Variants in NAALADL2 observed in about 807,000 individuals in gnomAD.
NAALADL2 encodes the protein inactive N-acetylated-alpha-linked acidic dipeptidase-like protein 2.
A neutral mutation model predicts 87.2 loss-of-function variants in NAALADL2; 76 were observed. The observed-to-expected ratio is 0.87, with a 90% CI of 0.72 to 1.05. The LOEUF is 1.05. Among genes scored for constraint, NAALADL2 ranks in the 50% least tolerant of loss-of-function variants. The probability of loss-of-function intolerance (pLI) is 0.00; values close to 1 mark genes in which losing one functional copy is unlikely to be tolerated. For synonymous variants in NAALADL2, 354 were observed against 331.0 expected (o/e 1.07, Z -0.75); for missense variants, 1,089 against 945.8 (o/e 1.15, Z -1.99).
intron 9 of NAALADL2, among the ~76,000 whole-genome samples, chr3:175,535,740 T>G (rs1734731058): frequency 6.6e-6 from 1 of 152,186 alleles, no homozygotes; most frequent in African/African-American, 2.4e-5. Flanking sequence ...GTTGGGAAAT[T>G]GAACCACCTG....
chr3:174,941,173 T>C (rs117418464), intron 1 of NAALADL2, among the ~76,000 whole-genome samples: 1,835 of 152,252 alleles, frequency 0.012, 48 homozygotes, highest in East Asian at 0.095. Flanking sequence ...CTGTCTTAGC[T>C]GGATCCCAGA....
chr3:175,175,650 G>A (rs1180332453), intron 2 of NAALADL2, among the ~76,000 whole-genome samples: 1 of 152,010 alleles, frequency 6.6e-6, no homozygotes, highest in Non-Finnish European at 1.5e-5. Flanking sequence ...TTAATTAAGT[G>A]GCGTAGCATA....
intron 5 of NAALADL2, among the ~76,000 whole-genome samples, chr3:175,385,770 CAAAT>C (rs1277415570): frequency 9.9e-5 from 15 of 151,870 alleles, no homozygotes; most frequent in African/African-American, 1.7e-4. Context: ...GAAAAACAAA[CAAAT>C]AAAGATTTAA....
intron 2 of NAALADL2, among the ~76,000 whole-genome samples, chr3:175,119,731 A>G (rs1324321435): frequency 1.4e-5 from 2 of 143,198 alleles, no homozygotes; most frequent in East Asian, 3.9e-4. Flanking sequence ...TAAAATAAGA[A>G]TAGATATATA....
intron 11 of NAALADL2, among the ~76,000 whole-genome samples, chr3:175,693,436 A>C (rs1378758505): frequency 6.6e-6 from 1 of 152,194 alleles, no homozygotes; most frequent in Non-Finnish European, 1.5e-5. Flanking sequence ...CAGATGTGAC[A>C]TTACAAGGGC....
At chr3:175,547,672 C>T (rs1255690041) in intron 9 of NAALADL2, among the ~76,000 whole-genome samples, 1 of 152,068 alleles carries the variant, frequency 6.6e-6, no homozygotes, top group African/African-American at 2.4e-5. Flanking sequence ...TGACAAAGTT[C>T]TAATATCCAG....
In NAALADL2 at chr3:175,324,191, A is replaced by T; in HGVS notation, c.956A>T (p.Lys319Met). The change falls in exon 5 of 14, where the codon AAG becomes ATG. Residue 319 changes from lysine (K) to methionine (M), a missense_variant. By Grantham distance (95) the Lys-to-Met change is moderately conservative. Coordinates refer to ENST00000454872, the MANE Select transcript of NAALADL2 (RefSeq NM_207015.3). ...PLLYKLSSLE[K>M]AGFGGVLLYI... is the part of the protein sequence containing the mutation. ...CTCTTTTAGCTTTCCTCATTGGAAA[A>T]GGCTGGATTTGGAGGTGTTCTTCTG... 1 of 1,613,014 alleles carries T rather than the reference A, an allele frequency of 6.2e-7. No individual in the cohort carries two copies. Among genetic ancestry groups the T allele is most frequent in the Non-Finnish European group, 8.5e-7 (1 of 1,179,468 alleles).
intron 2 of NAALADL2, among the ~76,000 whole-genome samples, chr3:174,572,004 TGATACCGCAG>T: frequency 6.6e-6 from 1 of 152,234 alleles, no homozygotes. Flanking sequence ...GTTCTTTTTA[TGATACCGCAG>T]GTAGAATAAC....
intron 9 of NAALADL2, among the ~76,000 whole-genome samples, chr3:175,517,775 C>G (rs1732066649): frequency 6.6e-6 from 1 of 152,034 alleles, no homozygotes; most frequent in South Asian, 2.1e-4. Context: ...GGCTCTCTCT[C>G]TTGAGAGAGA....
At chr3:175,718,725 A>C in intron 11 of NAALADL2, 1 of 1,297,736 alleles carries the variant, frequency 7.7e-7, no homozygotes, top group Non-Finnish European at 1.1e-6. Flanking sequence ...GTGGAGATCA[A>C]GACCAACCTG....
chr3:174,961,095 T>C (rs1741923057), intron 1 of NAALADL2, among the ~76,000 whole-genome samples: 2 of 147,838 alleles, frequency 1.4e-5, no homozygotes, highest in Admixed American at 1.4e-4. Flanking sequence ...ATAATATTAA[T>C]ATAATATATA....
At chr3:175,776,793 G>A (rs373724054) in intron 13 of NAALADL2, among the ~76,000 whole-genome samples, 13 of 151,996 alleles carry the variant, frequency 8.6e-5, no homozygotes, top group South Asian at 4.2e-4. Context: ...GAATAGAGTC[G>A]GAGTTTATGA....
intron 1 of NAALADL2, among the ~76,000 whole-genome samples, chr3:175,068,216 C>T (rs567232767): frequency 1.3e-5 from 2 of 152,108 alleles, no homozygotes; most frequent in African/African-American, 2.4e-5. Context: ...TGTAACAAAC[C>T]TGCACATGTA....
chr3:174,948,112 T>C (rs901911660), intron 1 of NAALADL2, among the ~76,000 whole-genome samples: 2 of 152,114 alleles, frequency 1.3e-5, no homozygotes, highest in African/African-American at 4.8e-5. Context: ...TCCTGAAATG[T>C]CATTAGGGCA....
chr3:175,120,091 G>A (rs367860518), intron 2 of NAALADL2, among the ~76,000 whole-genome samples: 4 of 146,946 alleles, frequency 2.7e-5, no homozygotes, highest in African/African-American at 7.5e-5. Flanking sequence ...ACCGTCAACA[G>A]TATTTGCTGC....
At chr3:175,775,237 G>A (rs1443526971) in intron 13 of NAALADL2, 2 of 151,894 alleles carry the variant, frequency 1.3e-5, no homozygotes, top group African/African-American at 4.8e-5. Flanking sequence ...AGGAGTGAGT[G>A]TCTGAGACAT....
chr3:175,169,924 A>G (rs1338411204), intron 2 of NAALADL2, among the ~76,000 whole-genome samples: 1 of 149,796 alleles, frequency 6.7e-6, no homozygotes, highest in Non-Finnish European at 1.5e-5. Flanking sequence ...AATATTTCAA[A>G]GCATTTCCTT....
At chr3:174,539,011 A>G in intron 1 of NAALADL2, among the ~76,000 whole-genome samples, 1 of 152,188 alleles carries the variant, frequency 6.6e-6, no homozygotes, top group East Asian at 1.9e-4. Flanking sequence ...ACAAACTTCT[A>G]AATTTATTGA....
intron 9 of NAALADL2, among the ~76,000 whole-genome samples, chr3:175,546,728 G>A (rs1464916970): frequency 6.6e-6 from 1 of 152,002 alleles, no homozygotes; most frequent in Non-Finnish European, 1.5e-5. Flanking sequence ...GGCTTATAGG[G>A]TTTCAGCTGT....
Sources: allele counts gnomAD v4.1 joint callset (sites outside exome capture counted in the v4.1 genomes callset), GRCh38; gene constraint gnomAD v4.1.1; transcripts MANE v1.5; gene names NCBI Gene and HGNC (gene_info 2026-07-23, HGNC 2026-07-21).